Variants in FBXO27 observed in about 807,000 individuals in gnomAD.
FBXO27 encodes F-box protein 27.
A neutral mutation model predicts 28.3 loss-of-function variants in FBXO27; 28 were observed. The observed-to-expected ratio is 0.99, with a 90% CI of 0.73 to 1.36. FBXO27 has a LOEUF of 1.36. Among genes scored for constraint, FBXO27 ranks in the 40% most tolerant of loss-of-function variants. The probability of loss-of-function intolerance (pLI) is 0.00; values close to 1 mark genes in which losing one functional copy is unlikely to be tolerated. For missense variants in FBXO27, 388 were observed against 394.1 expected, an observed-to-expected ratio of 0.98 and a Z score of 0.13; for synonymous variants, 175 against 167.3, an observed-to-expected ratio of 1.05 and a Z score of -0.36.
chr19:39,018,253 T>C (rs1209309433), intron 1 of FBXO27, among the ~76,000 whole-genome samples: 1 of 152,148 alleles, frequency 6.6e-6, no homozygotes, highest in Non-Finnish European at 1.5e-5. Context: ...CAAATGTAAA[T>C]CAATACAAAG....
At chr19:39,012,169 A>G (rs2072798478) in intron 2 of FBXO27, among the ~76,000 whole-genome samples, 1 of 143,854 alleles carries the variant, frequency 7.0e-6, no homozygotes, top group Non-Finnish European at 1.5e-5. Flanking sequence ...TATCCCAAAA[A>G]TGTCCTGAAT....
intron 4 of FBXO27, among the ~76,000 whole-genome samples, chr19:39,029,891 G>C (rs1308127365): frequency 6.6e-6 from 1 of 152,040 alleles, no homozygotes; most frequent in Admixed American, 6.6e-5. Context: ...GCCCAGGCTG[G>C]AGTGCAGTGG....
At chr19:39,028,171 C>T (rs373292519) in intron 4 of FBXO27, among the ~76,000 whole-genome samples, 29 of 151,952 alleles carry the variant, frequency 1.9e-4, no homozygotes, top group African/African-American at 6.8e-4. Context: ...GCAGAGGTTG[C>T]AGTGAGCTGA....
chr19:39,022,155 T>C (rs1174669588), downstream of FBXO27, among the ~76,000 whole-genome samples: 16 of 36,166 alleles, frequency 4.4e-4, no homozygotes, highest in Non-Finnish European at 3.3e-4. Flanking sequence ...TCTTTTTTTT[T>C]TTTTTTTTTT....
chr19:39,013,308 C>T (rs1328757790), intron 2 of FBXO27, among the ~76,000 whole-genome samples: 1 of 152,150 alleles, frequency 6.6e-6, no homozygotes, highest in Non-Finnish European at 1.5e-5. Context: ...CTTGAACTTA[C>T]AGCTTTTGGC....
downstream of FBXO27, among the ~76,000 whole-genome samples, chr19:39,019,808 G>A (rs2072837034): frequency 6.6e-6 from 1 of 152,100 alleles, no homozygotes; most frequent in Admixed American, 6.6e-5. Context: ...CTGGAGTGCA[G>A]TGGCTCCATC....
chr19:39,031,797 C>T (rs547296124), intron 2 of FBXO27, 67 bp downstream of exon 2: 8 of 1,406,954 alleles, frequency 5.7e-6, no homozygotes, highest in Non-Finnish European at 7.3e-6. Flanking sequence ...TGCGGCCCCG[C>T]CCCTCCGGCC....
At chr19:39,006,808 G>A (rs1975737201) in intron 2 of FBXO27, among the ~76,000 whole-genome samples, 1 of 152,018 alleles carries the variant, frequency 6.6e-6, no homozygotes, top group Non-Finnish European at 1.5e-5. Flanking sequence ...GCCAGGTGCT[G>A]TGGCTCATGC....
chr19:39,029,032 A>G (rs1418926117), intron 4 of FBXO27, among the ~76,000 whole-genome samples: 3 of 142,208 alleles, frequency 2.1e-5, no homozygotes, highest in Admixed American at 7.3e-5. Flanking sequence ...AAAGAGCAAG[A>G]CTCTGTCTCT....
chr19:39,028,684 CA>C (rs2072886204), intron 4 of FBXO27, among the ~76,000 whole-genome samples: 1 of 151,688 alleles, frequency 6.6e-6, no homozygotes, highest in Non-Finnish European at 1.5e-5. Flanking sequence ...CCAACGTGGC[CA>C]AACCCCGTCT....
At chr19:39,028,090 A>C (rs1243057159) in intron 4 of FBXO27, among the ~76,000 whole-genome samples, 3 of 151,764 alleles carry the variant, frequency 2.0e-5, no homozygotes, top group Non-Finnish European at 4.4e-5. Context: ...AAAATACAAA[A>C]ATTAGCCAGG....
intron 2 of FBXO27, among the ~76,000 whole-genome samples, chr19:39,006,418 G>T (rs1975734611): frequency 6.6e-6 from 1 of 152,010 alleles, no homozygotes; most frequent in Non-Finnish European, 1.5e-5. Flanking sequence ...AATTAGCCTG[G>T]CGTGGTGGTG....
chr19:39,032,062 C>T lies in FBXO27; in HGVS notation c.166G>A (p.Gly56Ser). The change falls in exon 2 of 6, where the codon GGC (glycine) becomes AGC (serine). Residue 56 changes from glycine (G) to serine (S), a missense_variant. Coordinates refer to ENST00000292853, the MANE Select transcript of FBXO27 (RefSeq NM_178820.5). This position sits in a 1 kb window ranked among gnomAD's most constrained non-coding sequence, Gnocchi z 4.7. ...LLGRCRQVCR[G>S]WRALVDGQAL... ...TGGCCGTCCACCAGGGCTCGCCAGCCCCGGCACACTTGGCGGCAGCGCCCG... is the reference window on the plus strand; with the variant it reads ...TGGCCGTCCACCAGGGCTCGCCAGCTCCGGCACACTTGGCGGCAGCGCCCG... 1.3e-6 allele frequency: 2 copies of T among 1,531,932 alleles called. No homozygotes were observed. Among genetic ancestry groups the T allele is most frequent in the Non-Finnish European group, 1.7e-6 (2 of 1,145,140 alleles). 94.9% of individuals were successfully genotyped at this position (1,531,932 alleles called of 1,614,324 possible).
downstream of FBXO27, among the ~76,000 whole-genome samples, chr19:39,020,380 T>C (rs1184690409): frequency 1.3e-5 from 2 of 152,036 alleles, no homozygotes; most frequent in African/African-American, 2.4e-5. Flanking sequence ...ACTTTGATAT[T>C]AGACAGTGTC....
intron 2 of FBXO27, among the ~76,000 whole-genome samples, chr19:39,012,997 A>G (rs1021664229): frequency 6.6e-6 from 1 of 151,846 alleles, no homozygotes; most frequent in African/African-American, 2.4e-5. Flanking sequence ...ACAAACAAAC[A>G]ACAGAAATCC....
rs746672014 is a variant in FBXO27, at chr19:39,031,867, G to A, written c.361C>T (p.Gln121Ter). Residue 121 changes from glutamine (Q) to a stop codon, truncating the protein, a stop_gained, in exon 2 of 6, where the codon CAA (glutamine) becomes TAA (stop). Coordinates refer to ENST00000292853, the MANE Select transcript of FBXO27 (RefSeq NM_178820.5). LOFTEE classifies it high-confidence loss of function. ...ACTTCCTCTTCCGAGATCCCACCTTGGCCGCAGGGGTTGCGAATAAGGTTG... is the reference window on the plus strand; with the variant it reads ...ACTTCCTCTTCCGAGATCCCACCTTAGCCGCAGGGGTTGCGAATAAGGTTG... ...GRNLIRNPCG[Q>*]EGLRKWMVQH... 1 of 1,478,244 alleles carries A rather than the reference G, an allele frequency of 6.8e-7. No individual in the cohort carries two copies. Among genetic ancestry groups the A allele is most frequent in the Non-Finnish European group, 8.9e-7 (1 of 1,126,232 alleles). 91.6% of individuals were successfully genotyped at this position (1,478,244 alleles called of 1,614,324 possible). A position where few individuals can be genotyped will look rare whatever the true frequency, so the allele number is the denominator to read the frequency against.
chr19:39,026,345 C>T (rs1235336218), intron 5 of FBXO27, among the ~76,000 whole-genome samples: 1 of 152,182 alleles, frequency 6.6e-6, no homozygotes, highest in Admixed American at 6.6e-5. Context: ...CTACCCACCA[C>T]CCTGGCCTGC....
At chr19:39,031,007 C>T (rs2072898795) in intron 4 of FBXO27, 22 bp downstream of exon 4, 2 of 1,601,208 alleles carry the variant, frequency 1.2e-6, no homozygotes, top group African/African-American at 2.7e-5. Flanking sequence ...TAGCAAGGGG[C>T]TATTTTAATC....
At chr19:39,019,818 C>G (rs1336851671), downstream of FBXO27, among the ~76,000 whole-genome samples, 1 of 152,120 alleles carries the variant, frequency 6.6e-6, no homozygotes, top group Non-Finnish European at 1.5e-5. Context: ...GTGGCTCCAT[C>G]TCAGCTCACT....
Sources: gnomAD v4.1 joint callset for allele counts (sites outside exome capture counted in the v4.1 genomes callset) on GRCh38, gnomAD v4.1.1 for gene constraint, Gnocchi (gnomAD v3.1) non-coding constraint, MANE v1.5 for transcripts, NCBI Gene and HGNC (gene_info 2026-07-23, HGNC 2026-07-21) for gene names.